The following KLHL29 variants were observed in gnomAD, a reference collection of about 807,000 sequenced individuals.
KLHL29 encodes the protein kelch like family member 29.
In KLHL29, 21 loss-of-function variants were observed where a neutral mutation model predicts 80.4. The observed-to-expected ratio is 0.26, with a 90% confidence interval of 0.19 to 0.38. The LOEUF is 0.38. KLHL29 is among the 10% of genes least tolerant of loss of function. The pLI is 1.00. For missense variants in KLHL29, 867 were observed against 1,223.9 expected (o/e 0.71, Z 4.35); for synonymous variants, 511 against 526.8 (o/e 0.97, Z 0.41).
Position 23,526,904 on chromosome 2 carries a change from G to C in KLHL29, c.-45-35248G>C, listed in dbSNP as rs890376811. Among the ~76,000 whole-genome samples the C allele has an allele frequency of 3.5e-4, 54 of 152,158 alleles. 1 individual carries two copies. The highest frequency in any genetic ancestry group is 6.3e-4 in the Non-Finnish European group (43 of 68,024). ...TTGTCCACCACCACCAGCAGAGCCGGGTGTTAAACATTTACCAGTATAGCT... is the reference window on the plus strand; with the variant it reads ...TTGTCCACCACCACCAGCAGAGCCGCGTGTTAAACATTTACCAGTATAGCT... On this transcript the variant is annotated intron_variant, in intron 2 of 13. Coordinates refer to ENST00000486442, the MANE Select transcript of KLHL29 (RefSeq NM_052920.2).
intron 1 of KLHL29, among the ~76,000 whole-genome samples, chr2:23,396,207 A>C (rs114963986): frequency 6.6e-6 from 1 of 152,182 alleles, no homozygotes; most frequent in Non-Finnish European, 1.5e-5. Flanking sequence ...CTGGAACTCA[A>C]CTGCCATTGT....
In KLHL29 at chr2:23,457,867, G is replaced by C. The variant is rs1664101174; in HGVS notation, c.-153-17693G>C. Among the ~76,000 whole-genome samples the C allele has an allele frequency of 6.6e-6, 1 of 152,068 alleles. No homozygotes were observed. Among genetic ancestry groups the C allele is most frequent in the Non-Finnish European group, 1.5e-5 (1 of 68,016 alleles). On this transcript the variant is annotated intron_variant, in intron 1 of 13. Transcript: ENST00000486442. This position sits in a 1 kb window ranked among gnomAD's most constrained non-coding sequence, Gnocchi z 4.3. ...TCTCTACTAAAAATACAAAAAATTA[G>C]CCAGGCGTGGTGGCGGGCACCTGTA...
rs897378725 is a variant in KLHL29, at chr2:23,503,670, C to T, written c.-46+28003C>T. Among the ~76,000 whole-genome samples the T allele has an allele frequency of 2.6e-5, 4 of 151,886 alleles. No individual in the cohort carries two copies. The highest frequency in any genetic ancestry group is 9.7e-5 in the African/African-American group (4 of 41,348). On this transcript the variant is annotated intron_variant, in intron 2 of 13. Transcript: ENST00000486442. This position sits in a 1 kb window ranked among gnomAD's most constrained non-coding sequence, Gnocchi z 4.0. ...GGTAGGAGCTGCCCCCGTCCATGTT[C>T]CAGCTCCTCCCAGGCCCCCATGGAT...
intron 1 of KLHL29, among the ~76,000 whole-genome samples, chr2:23,387,138 G>A (rs1047964861): frequency 1.2e-4 from 18 of 152,230 alleles, no homozygotes; most frequent in Non-Finnish European, 2.2e-4. Context: ...GTGGACGCAG[G>A]TATTTATGTA....
intron 1 of KLHL29, among the ~76,000 whole-genome samples, chr2:23,473,317 C>T (rs534466892): frequency 3.3e-5 from 5 of 152,088 alleles, no homozygotes; most frequent in South Asian, 2.1e-4. Context: ...TCCCAGGGCT[C>T]GCCTGGGAGA....
At chr2:23,430,847 G>A (rs1663151429) in intron 1 of KLHL29, among the ~76,000 whole-genome samples, 1 of 152,166 alleles carries the variant, frequency 6.6e-6, no homozygotes, top group South Asian at 2.1e-4. Context: ...GTAAAACCGA[G>A]GCCCAGAGGC....
At chr2:23,646,754 A>T (rs1384511977) in intron 5 of KLHL29, among the ~76,000 whole-genome samples, 2 of 152,204 alleles carry the variant, frequency 1.3e-5, no homozygotes, top group African/African-American at 4.8e-5. Flanking sequence ...CCCTGTCTTC[A>T]CAAGTAACAG....
At chr2:23,642,968 AC>A in intron 5 of KLHL29, 118 bp downstream of exon 5, 1 of 1,158,058 alleles carries the variant, frequency 8.6e-7, no homozygotes, top group Non-Finnish European at 1.3e-6. Flanking sequence ...GGCCTCCCCA[AC>A]CCAGAGGCTG....
At chr2:23,525,729 C>CCCG (rs1666288299) in intron 2 of KLHL29, among the ~76,000 whole-genome samples, 2 of 54,780 alleles carry the variant, frequency 3.7e-5, no homozygotes, top group Non-Finnish European at 7.4e-5. Context: ...AGCCCCTGCC[C>CCCG]CCCCCCCCCA....
chr2:23,411,749 A>G (rs1299489206), intron 1 of KLHL29, among the ~76,000 whole-genome samples: 2 of 152,154 alleles, frequency 1.3e-5, no homozygotes, highest in African/African-American at 2.4e-5. Context: ...AGCTCCCAGC[A>G]TCAGTAGCAT....
chr2:23,628,940 T>C (rs1370257073), intron 3 of KLHL29, among the ~76,000 whole-genome samples: 1 of 152,218 alleles, frequency 6.6e-6, no homozygotes, highest in Non-Finnish European at 1.5e-5. Flanking sequence ...GAAAATGTCC[T>C]ATCAAAGGCC....
At chr2:23,591,469 TC>T (rs374166016) in intron 3 of KLHL29, among the ~76,000 whole-genome samples, 168 of 135,296 alleles carry the variant, frequency 1.2e-3, no homozygotes, top group African/African-American at 4.7e-3. Flanking sequence ...CATCTCAGCC[TC>T]CCCCTGGGTT....
chr2:23,678,640 G>C (rs1473142732), intron 5 of KLHL29, among the ~76,000 whole-genome samples: 1 of 152,172 alleles, frequency 6.6e-6, no homozygotes, highest in African/African-American at 2.4e-5. Flanking sequence ...GTTTACAATA[G>C]CAAAATGGTG....
rs930210433 is a variant in KLHL29 at position 23,695,912 on chromosome 2, T to TA, written c.1742-38dup. 2 of 1,545,218 alleles carry TA rather than the reference T, an allele frequency of 1.3e-6. No individual in the cohort carries two copies. Among genetic ancestry groups the TA allele is most frequent in the South Asian group, 1.2e-5 (1 of 82,988 alleles). The stretch of plus-strand genomic sequence containing the variant: ...TGCCAGGCACAGATGCCGACAGTCT[T>TA]AGAGTGTGTCCCAAGGGCGCCCATC... On this transcript the variant is annotated intron_variant, in intron 9 of 13. Coordinates refer to ENST00000486442, the MANE Select transcript of KLHL29 (RefSeq NM_052920.2). The surrounding 1 kb of genome is among the most constrained non-coding windows in gnomAD (Gnocchi z 7.6).
chr2:23,648,365 ATTACT>A (rs1669997175), intron 5 of KLHL29, among the ~76,000 whole-genome samples: 1 of 152,086 alleles, frequency 6.6e-6, no homozygotes, highest in Non-Finnish European at 1.5e-5. Flanking sequence ...GTTCACTGTG[ATTACT>A]TTACTGGTAC....
At chr2:23,586,852 C>T (rs188785880) in intron 3 of KLHL29, among the ~76,000 whole-genome samples, 13 of 152,280 alleles carry the variant, frequency 8.5e-5, no homozygotes, top group South Asian at 6.2e-4. Flanking sequence ...TCTCTTCCCC[C>T]CACGGGCACT....
In KLHL29 at chr2:23,693,379, G is replaced by A. The variant is rs543437540; in HGVS notation, c.1393G>A (p.Glu465Lys). The A allele has an allele frequency of 3.2e-6, 5 of 1,551,728 alleles. No individual in the cohort carries two copies. Among genetic ancestry groups the A allele is most frequent in the Middle Eastern group, 1.7e-4 (1 of 5,990 alleles). The part of the protein sequence containing the change: ...AKAFALQIFP[E>K]VAAQEEILSI... ...GGCCTTCGCGCTGCAGATCTTCCCC[G>A]AGGTGGCCGCCCAGGAGGAGATCCT... Residue 465 changes from glutamate (E) to lysine (K), a missense_variant, in exon 8 of 14, where the codon GAG becomes AAG. By Grantham distance (56) the Glu-to-Lys change is moderately conservative. Transcript: ENST00000486442.
At position 23,592,810 on chromosome 2, in the gene KLHL29, G is replaced by C. The variant is rs187636025; in HGVS notation, c.285+30329G>C. On this transcript the variant is annotated intron_variant, in intron 3 of 13. Transcript: ENST00000486442. ...AGACCATCTCCTGGCCCCCAAAGGG[G>C]AATGGAAGTCCCGGTGACCTTCTGC... Among the ~76,000 whole-genome samples, 6 of 152,332 alleles carry C rather than the reference G, an allele frequency of 3.9e-5. No homozygotes were observed. The East Asian group carries it at 1.2e-3, about 29-fold the overall frequency.
At chr2:23,571,087 C>T (rs1667705340) in intron 3 of KLHL29, among the ~76,000 whole-genome samples, 1 of 152,240 alleles carries the variant, frequency 6.6e-6, no homozygotes, top group African/African-American at 2.4e-5. Flanking sequence ...CCTCAGGAGG[C>T]TTCTCTGGCA....
Sources: gnomAD v4.1 joint callset for allele counts (sites outside exome capture counted in the v4.1 genomes callset) on GRCh38, gnomAD v4.1.1 for gene constraint, Gnocchi (gnomAD v3.1) non-coding constraint, MANE v1.5 for transcripts, NCBI Gene and HGNC (gene_info 2026-07-23, HGNC 2026-07-21) for gene names.